CEP63: variants seen among roughly 807,000 people sequenced by gnomAD.
CEP63 encodes centrosomal protein of 63 kDa.
Under a neutral mutation model 89.1 loss-of-function variants are expected in CEP63, and 84 were observed. The observed-to-expected ratio is 0.94, with a 90% CI of 0.79 to 1.13. CEP63 has a LOEUF of 1.13. CEP63 is among the 50% of genes most tolerant of loss of function. The pLI is 0.00. For missense variants in CEP63, 838 were observed against 813.3 expected (o/e 1.03, Z -0.37); for synonymous variants, 267 against 272.5 (o/e 0.98, Z 0.20).
At chr3:134,607,893 G>A in the CEP63 span, 1 of 991,564 alleles carries the variant, frequency 1.0e-6, no homozygotes, top group Non-Finnish European at 1.2e-6. Flanking sequence ...GCTGGAGCTT[G>A]GCCCTCATCC....
intron 1 of CEP63, chr3:134,486,599 AC>A (rs1489853367): frequency 7.9e-6 from 7 of 888,398 alleles, no homozygotes; most frequent in Non-Finnish European, 9.1e-6. Context: ...TCCCCGGCGG[AC>A]CCACCTTCCT....
the CEP63 span, among the ~76,000 whole-genome samples, chr3:134,693,153 G>T: frequency 6.6e-6 from 1 of 152,204 alleles, no homozygotes; most frequent in Non-Finnish European, 1.5e-5. Context: ...ATATAACACA[G>T]TTCTGGACAA....
the CEP63 span, among the ~76,000 whole-genome samples, chr3:134,705,871 G>A: frequency 1.3e-5 from 2 of 152,204 alleles, no homozygotes; most frequent in African/African-American, 4.8e-5. Flanking sequence ...TGATTGTGTT[G>A]AAGTCTTCTG....
chr3:134,579,928 G>C (rs1560078547), downstream of CEP63, among the ~76,000 whole-genome samples: 1 of 152,278 alleles, frequency 6.6e-6, no homozygotes, highest in East Asian at 1.9e-4. Flanking sequence ...GGCTGGGCGT[G>C]GTGGCTCATT....
At chr3:134,587,549 G>C (rs977441448) in exon 11 of CEP63, among the ~76,000 whole-genome samples, 4 of 152,208 alleles carry the variant, frequency 2.6e-5, no homozygotes, top group African/African-American at 9.7e-5. Flanking sequence ...AAATATTGCT[G>C]CCTGATCCTT....
At chr3:134,542,801 C>T (rs967026286) in intron 6 of CEP63, among the ~76,000 whole-genome samples, 11 of 152,060 alleles carry the variant, frequency 7.2e-5, no homozygotes, top group Admixed American at 5.2e-4. Flanking sequence ...AAACTGCCTT[C>T]TTGATTGCTT....
intron 2 of CEP63, among the ~76,000 whole-genome samples, chr3:134,496,423 G>GA (rs1341225099): frequency 1.6e-4 from 3 of 19,218 alleles, no homozygotes; most frequent in African/African-American, 3.6e-4. Context: ...GAAAAGGATA[G>GA]AAAAAAAAGG....
At chr3:134,608,716 A>T in the CEP63 span, 4 of 1,613,996 alleles carry the variant, frequency 2.5e-6, no homozygotes, top group Non-Finnish European at 3.4e-6. Flanking sequence ...CACTCTTGTG[A>T]TACATGTTGT....
At chr3:134,644,028 TG>T in the CEP63 span, among the ~76,000 whole-genome samples, 6 of 152,062 alleles carry the variant, frequency 3.9e-5, no homozygotes, top group Admixed American at 1.3e-4. Context: ...GGTTTCACCA[TG>T]TTAGCCAGGA....
the CEP63 span, among the ~76,000 whole-genome samples, chr3:134,654,342 C>A: frequency 3.3e-5 from 5 of 152,292 alleles, no homozygotes; most frequent in South Asian, 1.0e-3. Flanking sequence ...GACCATCAGT[C>A]ATAGCTGTTT....
At chr3:134,503,249 T>G (rs952301923) in intron 2 of CEP63, among the ~76,000 whole-genome samples, 1 of 152,122 alleles carries the variant, frequency 6.6e-6, no homozygotes, top group Admixed American at 6.5e-5. Flanking sequence ...TTTTTGCATT[T>G]CTTTTTTAAT....
the CEP63 span, among the ~76,000 whole-genome samples, chr3:134,727,114 C>T: frequency 6.6e-6 from 1 of 151,856 alleles, no homozygotes; most frequent in Non-Finnish European, 1.5e-5. Context: ...TAAATGGTTC[C>T]AATAGAGGAA....
intron 6 of CEP63, among the ~76,000 whole-genome samples, chr3:134,538,978 T>C (rs1951441993): frequency 6.6e-6 from 1 of 152,206 alleles, no homozygotes; most frequent in Non-Finnish European, 1.5e-5. Flanking sequence ...AGCCAACATT[T>C]GTTTTTCCTA....
chr3:134,546,449 C>T (rs1953341117), intron 8 of CEP63, among the ~76,000 whole-genome samples, 161 bp downstream of exon 8: 5 of 152,154 alleles, frequency 3.3e-5, no homozygotes, highest in Non-Finnish European at 4.4e-5. Flanking sequence ...ACCTCAACCT[C>T]CGAGGTTCAA....
At chr3:134,608,797 G>T in the CEP63 span, 1 of 1,613,960 alleles carries the variant, frequency 6.2e-7, no homozygotes, top group Non-Finnish European at 8.5e-7. Flanking sequence ...AGTGGTCCTC[G>T]ATGAACAGTG....
At chr3:134,536,526 T>A (rs1950808032) in intron 5 of CEP63, 1 of 156,142 alleles carries the variant, frequency 6.4e-6, no homozygotes, top group Middle Eastern at 3.1e-3. Flanking sequence ...CCATCATTAA[T>A]TTTGAACTGT....
At chr3:134,536,984 T>G in intron 5 of CEP63, 171 bp from the exon 6 acceptor site, 1 of 648,022 alleles carries the variant, frequency 1.5e-6, no homozygotes, top group South Asian at 1.6e-5. Context: ...TGTGAGGAAG[T>G]TAGTATTACT....
chr3:134,534,580 C>T (rs1346856525), intron 5 of CEP63, among the ~76,000 whole-genome samples: 1 of 152,100 alleles, frequency 6.6e-6, no homozygotes, highest in Non-Finnish European at 1.5e-5. Context: ...TTACTTTCCC[C>T]TTCATCTCCT....
chr3:134,522,851 C>A (rs1947777567), intron 3 of CEP63, among the ~76,000 whole-genome samples: 2 of 152,088 alleles, frequency 1.3e-5, no homozygotes, highest in Non-Finnish European at 2.9e-5. Context: ...GTGAATAGTG[C>A]TGCGGTGAAC....
Sources: allele counts gnomAD v4.1 joint callset (sites outside exome capture counted in the v4.1 genomes callset), GRCh38; gene constraint gnomAD v4.1.1; transcripts MANE v1.5; gene names NCBI Gene and HGNC (gene_info 2026-07-23, HGNC 2026-07-21).